Variants in HS6ST3 observed in about 807,000 individuals in gnomAD.
HS6ST3 encodes heparan-sulfate 6-O-sulfotransferase 3.
In HS6ST3, 12 loss-of-function variants were observed where a neutral mutation model predicts 36.7. The observed-to-expected ratio is 0.33, with a 90% CI of 0.21 to 0.53. The LOEUF is 0.53. Among genes scored for constraint, HS6ST3 ranks in the 20% least tolerant of loss-of-function variants. The pLI is 0.95. For synonymous variants in HS6ST3, 240 were observed against 257.5 expected, an observed-to-expected ratio of 0.93 and a Z score of 0.65; for missense variants, 584 against 640.9, an observed-to-expected ratio of 0.91 and a Z score of 0.96.
At chr13:96,240,140 C>A (rs1488237642) in intron 1 of HS6ST3, among the ~76,000 whole-genome samples, 1 of 152,064 alleles carries the variant, frequency 6.6e-6, no homozygotes, top group Non-Finnish European at 1.5e-5. Context: ...AACTTGCCAA[C>A]TATTCGTTTA....
At chr13:96,361,092 G>T (rs1199640597) in intron 1 of HS6ST3, among the ~76,000 whole-genome samples, 3 of 152,102 alleles carry the variant, frequency 2.0e-5, no homozygotes, top group Non-Finnish European at 4.4e-5. Context: ...TTACTAATTG[G>T]GCTATTAATA....
chr13:96,514,083 G>A (rs750804731), intron 1 of HS6ST3, among the ~76,000 whole-genome samples: 1 of 152,090 alleles, frequency 6.6e-6, no homozygotes, highest in Non-Finnish European at 1.5e-5. Flanking sequence ...ATGTGAGTAG[G>A]GAAGTCACAT....
intron 1 of HS6ST3, among the ~76,000 whole-genome samples, chr13:96,819,527 A>G (rs980588270): frequency 6.6e-6 from 1 of 152,156 alleles, no homozygotes; most frequent in Non-Finnish European, 1.5e-5. Context: ...TTTTCTTTCT[A>G]ATTCTTAACT....
intron 1 of HS6ST3, among the ~76,000 whole-genome samples, chr13:96,266,029 A>T (rs2054690569): frequency 6.6e-6 from 1 of 152,122 alleles, no homozygotes; most frequent in Admixed American, 6.5e-5. Context: ...CCATATTATG[A>T]TGCTCTTGCA....
At chr13:96,789,839 T>A (rs1195386904) in intron 1 of HS6ST3, among the ~76,000 whole-genome samples, 3 of 151,932 alleles carry the variant, frequency 2.0e-5, no homozygotes, top group Non-Finnish European at 4.4e-5. Context: ...GATTTTAAGA[T>A]TTTTTTCTTT....
rs114524609 is a variant in HS6ST3 at position 96,668,475 on chromosome 13, C to A, written c.708-164015C>A. ...CCTGACATAATAAGACCTGCTGGCT[C>A]ACCTGCCCATACCCTGTGAGGCAGC... is the stretch of plus-strand genomic sequence containing the variant. On this transcript the variant is annotated intron_variant, in intron 1 of 1. Coordinates refer to ENST00000376705, the MANE Select transcript of HS6ST3 (RefSeq NM_153456.4). 7.9e-3 allele frequency among the ~76,000 whole-genome samples: 1,209 copies of A among 152,210 alleles called. 16 individuals are homozygous for A. Among genetic ancestry groups the A allele is most frequent in the African/African-American group, 0.027 (1,108 of 41,542 alleles).
intron 1 of HS6ST3, among the ~76,000 whole-genome samples, chr13:96,459,100 T>TAAAAAAAAAAAAAAAAAAA (rs747439262): frequency 0.011 from 697 of 63,818 alleles, 75 homozygotes; most frequent in Middle Eastern, 0.023. Context: ...CAAGACTGTC[T>TAAAAAAAAAAAAAAAAAAA]AAAAAAAAAA....
intron 1 of HS6ST3, among the ~76,000 whole-genome samples, chr13:96,468,700 G>A (rs2055826414): frequency 6.6e-6 from 1 of 152,076 alleles, no homozygotes; most frequent in African/African-American, 2.4e-5. Context: ...TCTACTATAC[G>A]TATCCTATAG....
At chr13:96,679,521 G>A (rs1446906882) in intron 1 of HS6ST3, among the ~76,000 whole-genome samples, 1 of 152,046 alleles carries the variant, frequency 6.6e-6, no homozygotes, top group Non-Finnish European at 1.5e-5. Context: ...TTACTCTCCT[G>A]TTTCTCATCC....
At chr13:96,513,640 A>G (rs562547150) in intron 1 of HS6ST3, among the ~76,000 whole-genome samples, 27 of 151,996 alleles carry the variant, frequency 1.8e-4, no homozygotes, top group African/African-American at 6.5e-4. Context: ...TAAAATCATC[A>G]TACTGTCTAT....
At chr13:96,398,541 A>T (rs1335575875) in intron 1 of HS6ST3, among the ~76,000 whole-genome samples, 1 of 152,200 alleles carries the variant, frequency 6.6e-6, no homozygotes, top group African/African-American at 2.4e-5. Context: ...GGCCTCCCAA[A>T]GTGCTGGGAT....
intron 1 of HS6ST3, among the ~76,000 whole-genome samples, chr13:96,176,249 C>T (rs1438886544): frequency 2.0e-5 from 3 of 152,130 alleles, no homozygotes; most frequent in Non-Finnish European, 1.5e-5. Flanking sequence ...AGATACAACA[C>T]TCATTTTTTG....
intron 1 of HS6ST3, among the ~76,000 whole-genome samples, chr13:96,168,369 A>G (rs2054170807): frequency 6.6e-6 from 1 of 152,302 alleles, no homozygotes; most frequent in East Asian, 1.9e-4. Context: ...CTTTTGTTTT[A>G]TATAGGTTGC....
At chr13:96,164,396 TA>T (rs1267551058) in intron 1 of HS6ST3, among the ~76,000 whole-genome samples, 1 of 151,714 alleles carries the variant, frequency 6.6e-6, no homozygotes, top group Non-Finnish European at 1.5e-5. Context: ...TATACAAAAT[TA>T]AAAACATGAA....
chr13:96,325,331 C>G (rs2055025077), intron 1 of HS6ST3, among the ~76,000 whole-genome samples: 1 of 152,116 alleles, frequency 6.6e-6, no homozygotes, highest in South Asian at 2.1e-4. Context: ...TCTGCAGGTT[C>G]TGGAGCCAAG....
rs181035309 is a variant in HS6ST3 at position 96,499,677 on chromosome 13, A to G, written c.708-332813A>G. Among the ~76,000 whole-genome samples, 743 of 152,212 alleles carry G rather than the reference A, an allele frequency of 4.9e-3. 7 individuals are homozygous for G. Among genetic ancestry groups the G allele is most frequent in the African/African-American group, 0.013 (522 of 41,536 alleles). ...GATGATCACTTTCTGGGCAGCATGA[A>G]CAGCCTGGATAAGACCCTGTGGCAT... is the stretch of plus-strand genomic sequence containing the variant. On this transcript the variant is annotated intron_variant, in intron 1 of 1. Transcript: ENST00000376705.
rs117126255 is a variant in HS6ST3, at chr13:96,191,312, G to A, written c.707+99743G>A. Among the ~76,000 whole-genome samples, 288 of 152,314 alleles carry A rather than the reference G, an allele frequency of 1.9e-3. 3 individuals carry two copies. The highest frequency in any genetic ancestry group is 1.4e-3 in the Non-Finnish European group (94 of 68,026). On this transcript the variant is annotated intron_variant, in intron 1 of 1. Transcript: ENST00000376705. ...GTCCATTCCAGCGTAAAGACATTCA[G>A]TGCTTCCAATTCCCTTGTGCTCCAA...
rs72638032 is a variant in HS6ST3, at chr13:96,132,701, C to T, written c.707+41132C>T. ...GATTGCAGGTATGAGCCACTGCACC[C>T]CCCAGCTAATGGCTGTATTAATTTA... On this transcript the variant is annotated intron_variant, in intron 1 of 1. Coordinates refer to ENST00000376705, the MANE Select transcript of HS6ST3 (RefSeq NM_153456.4). Among the ~76,000 whole-genome samples, 1,408 of 152,214 alleles carry T rather than the reference C, an allele frequency of 9.3e-3. 6 individuals are homozygous for T. The highest frequency in any genetic ancestry group is 0.015 in the Non-Finnish European group (1,044 of 68,010).
At chr13:96,758,078 T>A (rs925901535) in intron 1 of HS6ST3, among the ~76,000 whole-genome samples, 2 of 152,056 alleles carry the variant, frequency 1.3e-5, no homozygotes, top group Non-Finnish European at 2.9e-5. Flanking sequence ...GTTTTCTTTA[T>A]GGAGATGTTT....
Sources: gnomAD v4.1 joint callset for allele counts (sites outside exome capture counted in the v4.1 genomes callset) on GRCh38, gnomAD v4.1.1 for gene constraint, MANE v1.5 for transcripts, NCBI Gene and HGNC (gene_info 2026-07-23, HGNC 2026-07-21) for gene names.